ABCA12: variants seen among roughly 807,000 people sequenced by gnomAD.
ABCA12 encodes ATP binding cassette subfamily A member 12, also known as glucosylceramide transporter ABCA12.
In ABCA12, 156 loss-of-function variants were observed where a neutral mutation model predicts 293.5. That is an observed-to-expected ratio of 0.53 (90% CI 0.47 to 0.61). ABCA12 has a LOEUF of 0.61. Among genes scored for constraint, ABCA12 ranks in the 20% least tolerant of loss-of-function variants. ABCA12 has a pLI of 0.00. For missense variants in ABCA12, 2,797 were observed against 3,090.2 expected (o/e 0.91, Z 2.25); for synonymous variants, 1,063 against 1,108.0 (o/e 0.96, Z 0.81).
intron 43 of ABCA12, among the ~76,000 whole-genome samples, chr2:214,954,922 A>C (rs961258633): frequency 6.6e-6 from 1 of 152,190 alleles, no homozygotes. Context: ...TAGCTGACCA[A>C]TGGTTGCGTG....
chr2:215,007,873 G>A, intron 18 of ABCA12, 27 bp from the exon 19 acceptor site: 1 of 1,613,402 alleles, frequency 6.2e-7, no homozygotes, highest in Non-Finnish European at 8.5e-7. Flanking sequence ...CAAAAGAAGT[G>A]TGATCCATTA....
At chr2:215,097,584 C>T (rs751662382) in intron 2 of ABCA12, among the ~76,000 whole-genome samples, 2 of 152,096 alleles carry the variant, frequency 1.3e-5, no homozygotes, top group South Asian at 4.1e-4. Flanking sequence ...ACTGGAATCA[C>T]GGCTGTAATA....
chr2:214,948,991 T>G (rs748262380), intron 46 of ABCA12, 49 bp downstream of exon 46: 1 of 1,458,072 alleles, frequency 6.9e-7, no homozygotes, highest in African/African-American at 1.4e-5. Flanking sequence ...ATTATTTTTC[T>G]CATTTAAGTA....
Position 215,000,732 on chromosome 2 carries a change from A to G in ABCA12, c.3152T>C (p.Ile1051Thr). ...SQEIAVQVQA[I>T]PYPCFMKDNF... ...GTCTTTCATGAAGCAGGGATAAGGA[A>G]TTGCTTGAACCTGGACTGCTATTTC... The change falls in exon 22 of 53, where the codon ATT (isoleucine) becomes ACT (threonine). Residue 1051 changes from isoleucine to threonine, a missense_variant. By Grantham distance (89) the Ile-to-Thr change is moderately conservative. Coordinates refer to ENST00000272895, the MANE Select transcript of ABCA12 (RefSeq NM_173076.3). 6.2e-7 allele frequency: 1 copy of G among 1,614,086 alleles called. No homozygotes were observed. Among genetic ancestry groups the G allele is most frequent in the Non-Finnish European group, 8.5e-7 (1 of 1,179,958 alleles).
rs193057270 is a variant in ABCA12, at chr2:215,014,647, G to A, written c.1956+843C>T. On this transcript the variant is annotated intron_variant, in intron 15 of 52. Transcript: ENST00000272895. Reference sequence around the variant, plus strand: ...GGGAGAGGGGTAGAGGGTAGGTGTGGAAGCAAGGGATATGGTTAGGAGACC... The same window carrying A: ...GGGAGAGGGGTAGAGGGTAGGTGTGAAAGCAAGGGATATGGTTAGGAGACC... Among the ~76,000 whole-genome samples, 168 of 152,270 alleles carry A rather than the reference G, an allele frequency of 1.1e-3. 1 individual carries two copies. The highest frequency in any genetic ancestry group is 1.4e-3 in the Non-Finnish European group (93 of 68,026).
intron 7 of ABCA12, among the ~76,000 whole-genome samples, chr2:215,041,009 T>G (rs1299975502): frequency 1.3e-5 from 2 of 152,136 alleles, no homozygotes; most frequent in Non-Finnish European, 2.9e-5. Context: ...CTAAGGCCTG[T>G]TTATGTAAAT....
intron 9 of ABCA12, among the ~76,000 whole-genome samples, chr2:215,028,259 A>T (rs745761458): frequency 6.6e-6 from 1 of 152,188 alleles, no homozygotes; most frequent in Non-Finnish European, 1.5e-5. Context: ...ATTAAAGAAG[A>T]CTCAGGGTGT....
intron 49 of ABCA12, among the ~76,000 whole-genome samples, 193 bp downstream of exon 49, chr2:214,944,808 T>C (rs903585836): frequency 6.6e-6 from 1 of 152,106 alleles, no homozygotes; most frequent in Non-Finnish European, 1.5e-5. Context: ...AATAGTTTGA[T>C]TGAACTGTGG....
In ABCA12 at chr2:214,967,515, A is replaced by G. The variant is rs545868359; in HGVS notation, c.5779-562T>C. Among the ~76,000 whole-genome samples, 10 of 152,284 alleles carry G rather than the reference A, an allele frequency of 6.6e-5. No individual in the cohort carries two copies. In the South Asian group the frequency reaches 1.0e-3, roughly 16 times the overall value. ...TTAATATACTGGTGAACCTCAATTC[A>G]AGAAACCCAATTACTAATTCAAAAT... On this transcript the variant is annotated intron_variant, in intron 38 of 52. Coordinates refer to ENST00000272895, the MANE Select transcript of ABCA12 (RefSeq NM_173076.3).
intron 1 of ABCA12, among the ~76,000 whole-genome samples, chr2:215,133,446 A>T (rs1703108406): frequency 6.6e-6 from 1 of 151,612 alleles, no homozygotes; most frequent in African/African-American, 2.4e-5. Flanking sequence ...CTTCTCATAG[A>T]CTTCGTCATC....
chr2:214,978,561 T>C (rs1699574854), intron 32 of ABCA12, 95 bp from the exon 33 acceptor site: 1 of 1,458,884 alleles, frequency 6.9e-7, no homozygotes, highest in South Asian at 1.2e-5. Flanking sequence ...TTATCACATT[T>C]ACTGAGACAA....
rs377591324 is a variant in ABCA12, at chr2:214,986,785, G to T, written c.3977-57C>A. The T allele has an allele frequency of 1.0e-4, 150 of 1,471,092 alleles. 4 individuals carry two copies. Among genetic ancestry groups the T allele is most frequent in the East Asian group, 7.0e-4 (31 of 44,108 alleles). The allele number at this position is 1,471,092 out of a possible 1,614,324, so 91.1% of individuals were successfully genotyped here. Reference sequence around the variant, plus strand: ...TCACAAGTAAGGTAATGCAGCTAGAGTTAGACTTTATCTTTATTAAAAATT... The same window carrying T: ...TCACAAGTAAGGTAATGCAGCTAGATTTAGACTTTATCTTTATTAAAAATT... On this transcript the variant is annotated intron_variant, in intron 27 of 52. Transcript: ENST00000272895.
At chr2:214,960,829 A>G (rs1559116098) in intron 39 of ABCA12, among the ~76,000 whole-genome samples, 1 of 152,108 alleles carries the variant, frequency 6.6e-6, no homozygotes. Flanking sequence ...TTTGTTAAGG[A>G]AAACAAGCAA....
intron 23 of ABCA12, among the ~76,000 whole-genome samples, chr2:214,991,575 A>G (rs941700858): frequency 5.9e-5 from 9 of 152,184 alleles, no homozygotes; most frequent in Admixed American, 5.2e-4. Flanking sequence ...TAAAACACAT[A>G]ACTTAAGGGA....
rs1259824998 is a variant in ABCA12 at position 214,975,794 on chromosome 2, G to A, written c.5372C>T (p.Ala1791Val). Reference protein sequence around the residue: ...PSLYGTSEQTAFYANYHPSTE... With the variant: ...PSLYGTSEQTVFYANYHPSTE... ...ACAGAAAGAAACTTACGCATAGAAG[G>A]CTGTCTGTTCGGAGGTACCATAAAG... The change falls in exon 34 of 53, where the codon GCC becomes GTC. Residue 1791 changes from alanine to valine, a missense_variant. By Grantham distance (64) the Ala-to-Val change is moderately conservative. Coordinates refer to ENST00000272895, the MANE Select transcript of ABCA12 (RefSeq NM_173076.3). The A allele has an allele frequency of 2.5e-6, 4 of 1,613,736 alleles. No homozygotes were observed. The highest frequency in any genetic ancestry group is 3.4e-6 in the Non-Finnish European group (4 of 1,179,958).
At chr2:215,086,936 T>C (rs897907320) in intron 2 of ABCA12, among the ~76,000 whole-genome samples, 4 of 150,966 alleles carry the variant, frequency 2.6e-5, no homozygotes, top group Non-Finnish European at 5.9e-5. Flanking sequence ...TTATTATTAT[T>C]ATTATTATTA....
intron 7 of ABCA12, among the ~76,000 whole-genome samples, chr2:215,040,175 G>C (rs528589995): frequency 6.6e-6 from 1 of 151,866 alleles, no homozygotes; most frequent in Non-Finnish European, 1.5e-5. Flanking sequence ...CATTAACTAG[G>C]GGCTATCATG....
intron 2 of ABCA12, among the ~76,000 whole-genome samples, chr2:215,109,724 G>GT (rs765045541): frequency 3.2e-4 from 48 of 152,092 alleles, no homozygotes; most frequent in African/African-American, 6.0e-4. Context: ...GCTTTCCACA[G>GT]TTTTTTCCAT....
rs563265817 is a variant in ABCA12 at position 214,932,054 on chromosome 2, C to T, written c.*580G>A. ...ATGGAAAGGCACTTTTTTTCGGGTT[C>T]AGCACGTCCCCATGCATTCACAGGT... On this transcript the variant is annotated 3_prime_UTR_variant, in exon 53 of 53. Transcript: ENST00000272895. The T allele has an allele frequency of 1.0e-4, 16 of 156,412 alleles. 1 individual carries two copies. In the South Asian group the frequency reaches 2.5e-3, roughly 25 times the overall value. The allele number at this position is 156,412 out of a possible 1,614,324, so 9.7% of individuals were successfully genotyped here. A position where few individuals can be genotyped will look rare whatever the true frequency, so the allele number is the denominator to read the frequency against.
Sources: gnomAD v4.1 joint callset for allele counts (sites outside exome capture counted in the v4.1 genomes callset) on GRCh38, gnomAD v4.1.1 for gene constraint, MANE v1.5 for transcripts, NCBI Gene and HGNC (gene_info 2026-07-23, HGNC 2026-07-21) for gene names.